RIF1: variants seen among roughly 807,000 people sequenced by gnomAD.
The protein encoded by RIF1 is telomere-associated protein RIF1.
Under a neutral mutation model 247.1 loss-of-function variants are expected in RIF1, and 45 were observed. That is an observed-to-expected ratio of 0.18 (90% CI 0.14 to 0.23). The LOEUF (loss-of-function observed/expected upper bound fraction) is 0.23. Ranked by LOEUF, RIF1 falls within the 10% of genes least tolerant of loss-of-function variation. The pLI is 1.00. For missense variants in RIF1, 2,967 were observed against 2,862.5 expected, an observed-to-expected ratio of 1.04 and a Z score of -0.83; for synonymous variants, 1,087 against 978.8, an observed-to-expected ratio of 1.11 and a Z score of -2.06.
Position 151,463,835 on chromosome 2 carries a change from C to CA in RIF1, c.4322dup (p.Glu1442GlyfsTer4). Reference sequence around the variant, plus strand: ...AAGCCAAGATAAGGAAAATAGTCATCAAAAAAAGGAACGACGTAAGGAAGA... The same window carrying CA: ...AAGCCAAGATAAGGAAAATAGTCATCAAAAAAAAGGAACGACGTAAGGAAGA... On this transcript the variant is annotated frameshift_variant, in exon 30 of 36. Coordinates refer to ENST00000444746, the MANE Select transcript of RIF1 (RefSeq NM_018151.5). LOFTEE classifies it high-confidence loss of function. 6.2e-7 allele frequency: 1 copy of CA among 1,609,080 alleles called. No individual in the cohort carries two copies. Among genetic ancestry groups the CA allele is most frequent in the South Asian group, 1.1e-5 (1 of 90,052 alleles).
Position 151,468,561 on chromosome 2 carries a change from G to C in RIF1, c.6825+10G>C. 6.2e-7 allele frequency: 1 copy of C among 1,609,476 alleles called. No homozygotes were observed. Among genetic ancestry groups the C allele is most frequent in the Non-Finnish European group, 8.5e-7 (1 of 1,175,794 alleles). On this transcript the variant is annotated intron_variant, in intron 32 of 35. Coordinates refer to ENST00000444746, the MANE Select transcript of RIF1 (RefSeq NM_018151.5). ...CTCAAAGAAGTGTTTAGTAAGAAGT[G>C]CTTTAGTTTTCATGTCACTTTATAT...
Position 151,414,807 on chromosome 2 carries a change from G to A in RIF1, c.184-16G>A. ...AGTTGTGCTTGTTTGTAATAAATGT[G>A]ATTTTGTTTTTGTAGACTCACATTT... On this transcript the variant is annotated splice_polypyrimidine_tract_variant and intron_variant, in intron 3 of 35. Coordinates refer to ENST00000444746, the MANE Select transcript of RIF1 (RefSeq NM_018151.5). 1 of 1,571,994 alleles carries A rather than the reference G, an allele frequency of 6.4e-7. No homozygotes were observed. Among genetic ancestry groups the A allele is most frequent in the Non-Finnish European group, 8.7e-7 (1 of 1,149,510 alleles).
chr2:151,421,721 G>T (rs1206534709), intron 7 of RIF1, among the ~76,000 whole-genome samples: 1 of 151,936 alleles, frequency 6.6e-6, no homozygotes, highest in Non-Finnish European at 1.5e-5. Flanking sequence ...CTAAAACCTG[G>T]GATTTTACTT....
rs148284866 is a variant in RIF1 at position 151,417,392 on chromosome 2, C to A, written c.503+491C>A. ...TAAAATTTTCTTGTTGAGTTACTTG[C>A]TTTAACTTCCCCACTGTTGAATGCT... On this transcript the variant is annotated intron_variant, in intron 6 of 35. Transcript: ENST00000444746. Among the ~76,000 whole-genome samples the A allele has an allele frequency of 1.4e-3, 214 of 152,236 alleles. 1 individual carries two copies. The highest frequency in any genetic ancestry group is 4.9e-3 in the African/African-American group (204 of 41,542).
In RIF1 at chr2:151,475,151, C is replaced by G; in HGVS notation, c.*80C>G. 2 of 987,758 alleles carry G rather than the reference C, an allele frequency of 2.0e-6. No homozygotes were observed. The highest frequency in any genetic ancestry group is 3.2e-5 in the African/African-American group (2 of 61,974). 61.2% of individuals were successfully genotyped at this position (987,758 alleles called of 1,614,324 possible). A position where few individuals can be genotyped will look rare whatever the true frequency, so the allele number is the denominator to read the frequency against. The stretch of plus-strand genomic sequence containing the variant: ...GGAAACAAGTTCTGAAATAATAGCA[C>G]AATTTCAAAGAAGAGACTCTTTGCA... On this transcript the variant is annotated 3_prime_UTR_variant, in exon 36 of 36. Coordinates refer to ENST00000444746, the MANE Select transcript of RIF1 (RefSeq NM_018151.5).
At chr2:151,484,534 T>G (rs751632820), downstream of RIF1, among the ~76,000 whole-genome samples, 1 of 152,236 alleles carries the variant, frequency 6.6e-6, no homozygotes, top group Non-Finnish European at 1.5e-5. Context: ...AGGGAGAGGT[T>G]GCAGTGAGTA....
At chr2:151,531,895 A>G in the RIF1 span, 286 of 1,540,868 alleles carry the variant, frequency 1.9e-4, 5 homozygotes, top group East Asian at 4.7e-3. Flanking sequence ...CCTGTATTTG[A>G]TCTAAATTGT....
At position 151,416,964 on chromosome 2, in the gene RIF1, G is replaced by A. The variant is rs1687314967; in HGVS notation, c.503+63G>A. 7.1e-6 allele frequency: 9 copies of A among 1,259,142 alleles called. No individual in the cohort carries two copies. The Admixed American group carries it at 1.6e-4, about 23-fold the overall frequency. 78.0% of individuals were successfully genotyped at this position (1,259,142 alleles called of 1,614,324 possible). On this transcript the variant is annotated intron_variant, in intron 6 of 35. Coordinates refer to ENST00000444746, the MANE Select transcript of RIF1 (RefSeq NM_018151.5). ...TTCATAAATTTAGCTGAAGGAGAGG[G>A]TTTTTGGGATTTAAATGAGAGACAG... is the stretch of plus-strand genomic sequence containing the variant.
Position 151,409,958 on chromosome 2 carries a change from C to T in RIF1, c.-86C>T, listed in dbSNP as rs1295435896. On this transcript the variant is annotated 5_prime_UTR_variant, in exon 1 of 36. Transcript: ENST00000444746. ...CGCACGCGTGAGTAAACAGCCGGAG[C>T]TGGGAAAGTCGAGCTCTGGCAGCGT... 2 of 701,770 alleles carry T rather than the reference C, an allele frequency of 2.8e-6. No individual in the cohort carries two copies. The highest frequency in any genetic ancestry group is 5.4e-5 in the East Asian group (2 of 37,248). The allele number at this position is 701,770 out of a possible 1,614,324, so 43.5% of individuals were successfully genotyped here. A position where few individuals can be genotyped will look rare whatever the true frequency, so the allele number is the denominator to read the frequency against.
intron 6 of RIF1, 43 bp from the exon 7 acceptor site, chr2:151,420,147 A>G (rs1376767220): frequency 1.3e-6 from 2 of 1,557,560 alleles, no homozygotes; most frequent in East Asian, 4.6e-5. Context: ...TTAGACTTAA[A>G]ACATGAGGTC....
chr2:151,497,231 G>A (rs2060816216), intron 10 of RIF1: 50 of 805,342 alleles, frequency 6.2e-5, no homozygotes, highest in Non-Finnish European at 7.5e-5. Context: ...ACCCTCTAGA[G>A]AAGCAGGGAC....
chr2:151,410,066 C>T (rs1285412565), intron 1 of RIF1, 33 bp downstream of exon 1: 1 of 702,402 alleles, frequency 1.4e-6, no homozygotes, highest in South Asian at 1.5e-5. Context: ...AGTGGTAGGC[C>T]GCGGGGAACC....
At chr2:151,495,304 A>G (rs1049382745) in exon 10 of RIF1, 6 of 152,214 alleles carry the variant, frequency 3.9e-5, no homozygotes, top group Non-Finnish European at 7.3e-5. Context: ...GTGATTCTCA[A>G]CGTGGGGTCC....
intron 12 of RIF1, chr2:151,503,327 TA>T: frequency 1.3e-6 from 2 of 1,531,660 alleles, no homozygotes; most frequent in Non-Finnish European, 1.8e-6. Context: ...AATAGTTTCT[TA>T]TATGATATAT....
chr2:151,464,388 A>T lies in RIF1; in HGVS notation c.4868A>T (p.Asp1623Val). 1.9e-6 allele frequency: 3 copies of T among 1,610,996 alleles called. No individual in the cohort carries two copies. The highest frequency in any genetic ancestry group is 2.5e-6 in the Non-Finnish European group (3 of 1,179,206). The change falls in exon 30 of 36, where the codon GAT becomes GTT. Residue 1623 changes from aspartate (D) to valine (V), a missense_variant. By Grantham distance (152) the Asp-to-Val change is radical (BLOSUM62 -3). This residue lies in a region of RIF1 where 2,028 missense variants were observed against 1,825.6 expected (regional missense o/e 1.11). Transcript: ENST00000444746. ...AAATCTCCGATTTGCGAAAAACAAG[A>T]TGAAAGTAATACTGTAATATGTCAG... ...SIKSPICEKQ[D>V]ESNTVICQDS...
intron 11 of RIF1, among the ~76,000 whole-genome samples, chr2:151,502,617 A>ACAC (rs2065602334): frequency 6.6e-6 from 1 of 152,164 alleles, no homozygotes; most frequent in African/African-American, 2.4e-5. Context: ...TTTAGAGAAA[A>ACAC]CACAGTTAAA....
the RIF1 span, chr2:151,530,862 A>T: frequency 1.8e-5 from 11 of 612,064 alleles, no homozygotes; most frequent in Non-Finnish European, 3.2e-5. Context: ...AGCAAAAGAG[A>T]TGACTATTAT....
chr2:151,415,301 C>T (rs911741507), intron 4 of RIF1, among the ~76,000 whole-genome samples: 3 of 144,764 alleles, frequency 2.1e-5, no homozygotes, highest in East Asian at 2.1e-4. Flanking sequence ...GAGTCGAGAT[C>T]GTGCCATTGT....
intron 27 of RIF1, 65 bp downstream of exon 27, chr2:151,461,354 G>A (rs2152488745): frequency 7.1e-7 from 1 of 1,412,434 alleles, no homozygotes. Context: ...TGCAAGAAAA[G>A]TGTAACTTTG....
Sources: gnomAD v4.1 joint callset for allele counts (sites outside exome capture counted in the v4.1 genomes callset) on GRCh38, gnomAD v4.1.1 for gene constraint, gnomAD v4.1.1 regional missense constraint, MANE v1.5 for transcripts, NCBI Gene and HGNC (gene_info 2026-07-23, HGNC 2026-07-21) for gene names.